The following TFAP2B variants were observed in gnomAD, a reference collection of about 807,000 sequenced individuals.
TFAP2B encodes transcription factor AP-2-beta.
Under a neutral mutation model 44.3 loss-of-function variants are expected in TFAP2B, and 9 were observed. The observed-to-expected ratio is 0.20, with a 90% confidence interval of 0.12 to 0.35. The LOEUF is 0.35. TFAP2B is among the 10% of genes least tolerant of loss of function. The pLI is 1.00. For synonymous variants in TFAP2B, 270 were observed against 263.8 expected (o/e 1.02, Z -0.23); for missense variants, 509 against 600.0 (o/e 0.85, Z 1.59).
At chr6:50,822,740 G>A (rs1447922204) in intron 1 of TFAP2B, among the ~76,000 whole-genome samples, 1 of 152,160 alleles carries the variant, frequency 6.6e-6, no homozygotes, top group Non-Finnish European at 1.5e-5. Context: ...GATTTCGAAT[G>A]AGATCCATTT....
At position 50,846,535 on chromosome 6, in the gene TFAP2B, A is replaced by C. The variant is rs1762854352; in HGVS notation, c.*3143A>C. ...CCTAAACGCTCAGTCCCAAAACAAA[A>C]TAGCGAAAGACAGGAGGAGTCAGGA... is the stretch of plus-strand genomic sequence containing the variant. On this transcript the variant is annotated 3_prime_UTR_variant, in exon 7 of 7. Transcript: ENST00000393655. 6.6e-6 allele frequency: 1 copy of C among 152,446 alleles called. No homozygotes were observed. Among genetic ancestry groups the C allele is most frequent in the South Asian group, 2.1e-4 (1 of 4,830 alleles). The allele number at this position is 152,446 out of a possible 1,614,324, so 9.4% of individuals were successfully genotyped here.
At chr6:50,819,890 C>A (rs1398401261) in intron 1 of TFAP2B, among the ~76,000 whole-genome samples, 2 of 151,500 alleles carry the variant, frequency 1.3e-5, no homozygotes, top group South Asian at 2.1e-4. Context: ...CCGAGGCGGG[C>A]GAGGCGCGGG....
In TFAP2B at chr6:50,844,874, C is replaced by T. The variant is rs1421655234; in HGVS notation, c.*1482C>T. The T allele has an allele frequency of 4.6e-5, 7 of 152,156 alleles. No individual in the cohort carries two copies. Among genetic ancestry groups the T allele is most frequent in the African/African-American group, 1.4e-4 (6 of 41,434 alleles). The allele number at this position is 152,156 out of a possible 1,614,324, so 9.4% of individuals were successfully genotyped here. A position where few individuals can be genotyped will look rare whatever the true frequency, so the allele number is the denominator to read the frequency against. On this transcript the variant is annotated 3_prime_UTR_variant, in exon 7 of 7. Coordinates refer to ENST00000393655, the MANE Select transcript of TFAP2B (RefSeq NM_003221.4). ...GATGCTTTATGAATGAGGCATTTTT[C>T]CCTCCCAGACGTGCACTTGTTTTGG...
chr6:50,837,111 C>CA (rs1762638846), intron 4 of TFAP2B, among the ~76,000 whole-genome samples: 1 of 152,216 alleles, frequency 6.6e-6, no homozygotes, highest in South Asian at 2.1e-4. Context: ...TGGGGGTTGA[C>CA]AGTCCTTTTC....
chr6:50,821,436 C>T (rs902255053), intron 1 of TFAP2B, among the ~76,000 whole-genome samples: 2 of 152,182 alleles, frequency 1.3e-5, no homozygotes, highest in African/African-American at 2.4e-5. Context: ...ACAAAGCACC[C>T]AAGGCGACCA....
Position 50,823,635 on chromosome 6 carries a change from C to A in TFAP2B, c.310C>A (p.His104Asn), listed in dbSNP as rs1770419822. ...GAACCCACTGCACCAGCCCCAGCAACATCCCTGGGGGCAACGGCAGCGGCA... is the reference window on the plus strand; with the variant it reads ...GAACCCACTGCACCAGCCCCAGCAAAATCCCTGGGGGCAACGGCAGCGGCA... Reference protein sequence around the residue: ...SLNPLHQPQQHPWGQRQRQEV... With the variant: ...SLNPLHQPQQNPWGQRQRQEV... Residue 104 changes from histidine (H) to asparagine (N), a missense_variant, in exon 2 of 7, where the codon CAT becomes AAT. Physicochemically the swap from His to Asn is moderately conservative, Grantham distance 68. Coordinates refer to ENST00000393655, the MANE Select transcript of TFAP2B (RefSeq NM_003221.4). 6 of 1,614,144 alleles carry A rather than the reference C, an allele frequency of 3.7e-6. No individual in the cohort carries two copies. The highest frequency in any genetic ancestry group is 5.1e-6 in the Non-Finnish European group (6 of 1,179,982).
At chr6:50,828,996 CA>C (rs1301845414) in intron 3 of TFAP2B, among the ~76,000 whole-genome samples, 1 of 152,160 alleles carries the variant, frequency 6.6e-6, no homozygotes, top group Non-Finnish European at 1.5e-5. Flanking sequence ...GGCTGGTAAA[CA>C]CTGGTTTCAA....
chr6:50,819,602 T>G (rs1362310130), intron 1 of TFAP2B, among the ~76,000 whole-genome samples: 1 of 152,218 alleles, frequency 6.6e-6, no homozygotes, highest in African/African-American at 2.4e-5. Flanking sequence ...AGCCGCCTCC[T>G]GTGTGGGCAT....
Position 50,843,228 on chromosome 6 carries a change from G to A in TFAP2B, c.1219G>A (p.Ala407Thr). The change falls in exon 7 of 7, where the codon GCC (alanine) becomes ACC (threonine). Residue 407 changes from alanine (A) to threonine (T), a missense_variant. Physicochemically the swap from Ala to Thr is moderately conservative, Grantham distance 58 (BLOSUM62 0). Transcript: ENST00000393655. ...HFSLITHGFG[A>T]PAICAALTAL... is the part of the protein sequence containing the mutation. Reference sequence around the variant, plus strand: ...CAGCCTCATCACGCACGGCTTCGGCGCCCCGGCCATTTGCGCCGCGCTCAC... The same window carrying A: ...CAGCCTCATCACGCACGGCTTCGGCACCCCGGCCATTTGCGCCGCGCTCAC... The A allele has an allele frequency of 6.2e-7, 1 of 1,614,190 alleles. No individual in the cohort carries two copies. The highest frequency in any genetic ancestry group is 8.5e-7 in the Non-Finnish European group (1 of 1,180,044).
At chr6:50,828,706 A>C (rs1306553726) in intron 3 of TFAP2B, 27 bp downstream of exon 3, 1 of 1,613,430 alleles carries the variant, frequency 6.2e-7, no homozygotes, top group Admixed American at 1.7e-5. Context: ...CCAAAAAGTA[A>C]GCAAAGTTCT....
chr6:50,820,058 C>T (rs1020978080), intron 1 of TFAP2B, among the ~76,000 whole-genome samples: 1 of 151,810 alleles, frequency 6.6e-6, no homozygotes, highest in Non-Finnish European at 1.5e-5. Flanking sequence ...AAAGGCGAAG[C>T]GGATTTAGAA....
In TFAP2B at chr6:50,844,267, TCTA is replaced by T. The variant is rs762848762; in HGVS notation, c.*879_*881del. 2.8e-5 allele frequency: 4 copies of T among 144,866 alleles called. No homozygotes were observed. The highest frequency in any genetic ancestry group is 6.0e-5 in the Non-Finnish European group (4 of 66,990). 9.0% of individuals were successfully genotyped at this position (144,866 alleles called of 1,614,324 possible). A position where few individuals can be genotyped will look rare whatever the true frequency, so the allele number is the denominator to read the frequency against. Reference sequence around the variant, plus strand: ...TCTCACATTTATTATATTTGTGTCATCTACTAATTTTATGAACTATAGTAAAAA... The same window carrying T: ...TCTCACATTTATTATATTTGTGTCATCTAATTTTATGAACTATAGTAAAAA... On this transcript the variant is annotated 3_prime_UTR_variant, in exon 7 of 7. Transcript: ENST00000393655.
intron 5 of TFAP2B, 31 bp from the exon 6 acceptor site, chr6:50,840,125 T>C (rs927390589): frequency 1.5e-5 from 24 of 1,613,436 alleles, no homozygotes; most frequent in Non-Finnish European, 2.0e-5. Flanking sequence ...GCCTGGGTGC[T>C]GATTATTACC....
In TFAP2B at chr6:50,836,164, C is replaced by T; in HGVS notation, c.705C>T (p.Gly235=). Residue 235 remains glycine, a synonymous_variant, in exon 4 of 7, where the codon GGC becomes GGT. Coordinates refer to ENST00000393655, the MANE Select transcript of TFAP2B (RefSeq NM_003221.4). The part of the protein sequence containing the change: ...NTGEVFCSVP[G]RLSLLSSTSK... ...GCGAGGTGTTTTGCTCCGTCCCAGG[C>T]CGTTTGTCTCTGCTCAGTTCAACTT... The T allele has an allele frequency of 6.2e-7, 1 of 1,614,084 alleles. No homozygotes were observed. The highest frequency in any genetic ancestry group is 8.5e-7 in the Non-Finnish European group (1 of 1,180,012).
chr6:50,822,227 G>A (rs1770372581), intron 1 of TFAP2B: 1 of 1,219,936 alleles, frequency 8.2e-7, no homozygotes, highest in Admixed American at 2.3e-5. Context: ...CTGTCTCTGC[G>A]TCTCTGTGTG....
chr6:50,841,505 T>G (rs1762732221), intron 6 of TFAP2B, among the ~76,000 whole-genome samples: 1 of 152,088 alleles, frequency 6.6e-6, no homozygotes, highest in Admixed American at 6.5e-5. Context: ...AAAACCAAAC[T>G]GTATAAATCA....
intron 1 of TFAP2B, among the ~76,000 whole-genome samples, chr6:50,822,342 A>G (rs1284791040): frequency 6.6e-6 from 1 of 151,992 alleles, no homozygotes; most frequent in Non-Finnish European, 1.5e-5. Flanking sequence ...TTCTCTCTGC[A>G]TTGTGTGTTC....
chr6:50,843,440 AACAG>A lies in TFAP2B; in HGVS notation c.*52_*55del. 4 of 1,557,430 alleles carry A rather than the reference AACAG, an allele frequency of 2.6e-6. No individual in the cohort carries two copies. The highest frequency in any genetic ancestry group is 2.4e-5 in the East Asian group (1 of 42,156). ...AAAATGTTTTAAATACAAAAGGAAA[AACAG>A]ACAAAAATTTAATTTTAGCTTTAAA... On this transcript the variant is annotated 3_prime_UTR_variant, in exon 7 of 7. Coordinates refer to ENST00000393655, the MANE Select transcript of TFAP2B (RefSeq NM_003221.4).
chr6:50,822,875 A>G (rs1017726407), intron 1 of TFAP2B, among the ~76,000 whole-genome samples: 1 of 152,212 alleles, frequency 6.6e-6, no homozygotes, highest in Admixed American at 6.5e-5. Context: ...CCTCCTAATC[A>G]GCCAGCTGCA....
Sources: allele counts gnomAD v4.1 joint callset (sites outside exome capture counted in the v4.1 genomes callset), GRCh38; gene constraint gnomAD v4.1.1; transcripts MANE v1.5; gene names NCBI Gene and HGNC (gene_info 2026-07-23, HGNC 2026-07-21).